The following SUPT3H variants were observed in gnomAD, a reference collection of about 807,000 sequenced individuals.
SUPT3H encodes the protein transcription initiation protein SPT3 homolog.
In SUPT3H, 44 loss-of-function variants were observed where a neutral mutation model predicts 44.3. The ratio of observed to expected loss-of-function variants is 0.99; its 90% CI spans 0.78 to 1.28. The LOEUF (loss-of-function observed/expected upper bound fraction) is 1.28. SUPT3H is among the 50% of genes most tolerant of loss of function. The pLI, the probability that SUPT3H is intolerant of heterozygous loss-of-function variation, is 0.00. For missense variants in SUPT3H, 380 were observed against 387.1 expected (o/e 0.98, Z 0.15); for synonymous variants, 124 against 125.6 (o/e 0.99, Z 0.09).
At chr6:45,054,615 A>T (rs1374501694) in intron 3 of SUPT3H, among the ~76,000 whole-genome samples, 2 of 152,184 alleles carry the variant, frequency 1.3e-5, no homozygotes, top group Non-Finnish European at 2.9e-5. Flanking sequence ...TAAGTGAGGA[A>T]AAGATAAATC....
intron 2 of SUPT3H, among the ~76,000 whole-genome samples, chr6:45,314,298 T>TCCGACAAGAGAAAGAGATAAAGGGCATC (rs1784391388): frequency 6.6e-6 from 1 of 152,064 alleles, no homozygotes; most frequent in Non-Finnish European, 1.5e-5. Flanking sequence ...GCCAGAACAA[T>TCCGACAAGAGAAAGAGATAAAGGGCATC]CCGACAAGAG....
intron 10 of SUPT3H, among the ~76,000 whole-genome samples, chr6:44,870,920 G>C (rs1475470621): frequency 6.6e-6 from 1 of 151,666 alleles, no homozygotes; most frequent in Non-Finnish European, 1.5e-5. Flanking sequence ...ACTCCCACCC[G>C]AATATTGCGC....
At chr6:45,228,134 G>A (rs1767268729) in intron 2 of SUPT3H, among the ~76,000 whole-genome samples, 1 of 152,096 alleles carries the variant, frequency 6.6e-6, no homozygotes, top group Non-Finnish European at 1.5e-5. Context: ...AGCCAAAAAT[G>A]TCTGCTTTTA....
chr6:45,235,241 AAT>A (rs1323220070), intron 2 of SUPT3H, among the ~76,000 whole-genome samples: 1 of 152,184 alleles, frequency 6.6e-6, no homozygotes, highest in Non-Finnish European at 1.5e-5. Flanking sequence ...TTTTAAATAA[AAT>A]AGCCCCACCT....
At chr6:45,304,196 A>T (rs554062768) in intron 2 of SUPT3H, among the ~76,000 whole-genome samples, 69 of 152,308 alleles carry the variant, frequency 4.5e-4, no homozygotes, top group African/African-American at 1.6e-3. Context: ...ATGTGTAAAC[A>T]GCAATATCTA....
At chr6:45,055,686 G>T (rs1382710107) in intron 3 of SUPT3H, among the ~76,000 whole-genome samples, 1 of 152,120 alleles carries the variant, frequency 6.6e-6, no homozygotes, top group Admixed American at 6.5e-5. Flanking sequence ...ATGGATCAAA[G>T]ACTTAAATCT....
chr6:45,228,405 C>T (rs913348782), intron 2 of SUPT3H, among the ~76,000 whole-genome samples: 2 of 152,102 alleles, frequency 1.3e-5, no homozygotes, highest in Admixed American at 1.3e-4. Context: ...TGCTTTATAG[C>T]CTTAGAAATG....
intron 6 of SUPT3H, among the ~76,000 whole-genome samples, chr6:44,991,148 A>T (rs982777670): frequency 3.1e-4 from 47 of 152,164 alleles, no homozygotes; most frequent in South Asian, 1.2e-3. Flanking sequence ...AAATATTTTT[A>T]AAAAATGAGA....
intron 2 of SUPT3H, among the ~76,000 whole-genome samples, chr6:45,194,147 T>A (rs1735242364): frequency 6.6e-6 from 1 of 152,186 alleles, no homozygotes; most frequent in African/African-American, 2.4e-5. Flanking sequence ...CAGGATTCTG[T>A]CAAACTTTAC....
At chr6:45,325,003 C>T (rs773566117) in intron 2 of SUPT3H, among the ~76,000 whole-genome samples, 12 of 151,392 alleles carry the variant, frequency 7.9e-5, no homozygotes, top group Non-Finnish European at 1.5e-4. Context: ...CAAATAGATC[C>T]CGTGTAAGCT....
At chr6:45,356,386 C>A (rs1347322435) in intron 2 of SUPT3H, among the ~76,000 whole-genome samples, 1 of 151,668 alleles carries the variant, frequency 6.6e-6, no homozygotes, top group African/African-American at 2.4e-5. Flanking sequence ...TGGAATATAT[C>A]AATTCTCATT....
At chr6:45,145,625 A>G (rs937108123) in intron 2 of SUPT3H, among the ~76,000 whole-genome samples, 1 of 152,050 alleles carries the variant, frequency 6.6e-6, no homozygotes, top group African/African-American at 2.4e-5. Flanking sequence ...GTTAATGACC[A>G]AAAACCCAAA....
At chr6:44,880,951 T>G in intron 10 of SUPT3H, among the ~76,000 whole-genome samples, 1 of 152,162 alleles carries the variant, frequency 6.6e-6, no homozygotes, top group Non-Finnish European at 1.5e-5. Context: ...GAACAACCAG[T>G]ACCAGCCATT....
At chr6:45,287,623 C>T (rs905403947) in intron 2 of SUPT3H, among the ~76,000 whole-genome samples, 1 of 152,042 alleles carries the variant, frequency 6.6e-6, no homozygotes, top group Non-Finnish European at 1.5e-5. Flanking sequence ...GGGGAAGGAG[C>T]AGTTATTGTT....
intron 2 of SUPT3H, among the ~76,000 whole-genome samples, chr6:45,361,920 G>C (rs1028288387): frequency 3.9e-5 from 6 of 152,080 alleles, no homozygotes; most frequent in Non-Finnish European, 8.8e-5. Flanking sequence ...GCGTGGTAGC[G>C]CATGCCTGTA....
intron 3 of SUPT3H, among the ~76,000 whole-genome samples, chr6:45,093,593 T>C (rs1429800701): frequency 6.6e-6 from 1 of 151,874 alleles, no homozygotes; most frequent in African/African-American, 2.4e-5. Context: ...GAGAATAGAA[T>C]ACTTGGAAAA....
intron 2 of SUPT3H, among the ~76,000 whole-genome samples, chr6:45,280,522 GT>G (rs2153666145): frequency 6.6e-6 from 1 of 151,812 alleles, no homozygotes; most frequent in South Asian, 2.1e-4. Flanking sequence ...AACCTCTTAG[GT>G]ATAGATACAG....
chr6:45,156,605 T>C (rs1348674183), intron 2 of SUPT3H, among the ~76,000 whole-genome samples: 1 of 151,564 alleles, frequency 6.6e-6, no homozygotes, highest in East Asian at 1.9e-4. Flanking sequence ...GGAATCTTTG[T>C]TTATAAAAAT....
At chr6:45,253,612 C>G (rs1584508047) in intron 2 of SUPT3H, among the ~76,000 whole-genome samples, 1 of 151,726 alleles carries the variant, frequency 6.6e-6, no homozygotes, top group East Asian at 1.9e-4. Flanking sequence ...GCAACCTAAG[C>G]AGAACCTTGT....
Sources: allele counts gnomAD v4.1 joint callset (sites outside exome capture counted in the v4.1 genomes callset), GRCh38; gene constraint gnomAD v4.1.1; transcripts MANE v1.5; gene names NCBI Gene and HGNC (gene_info 2026-07-23, HGNC 2026-07-21).